Variants in BRSK2 observed in about 807,000 individuals in gnomAD.
BRSK2 encodes BR serine/threonine kinase 2.
BRSK2 carries 19 observed loss-of-function variants against 83.3 expected under a neutral mutation model. That is an observed-to-expected ratio of 0.23 (90% CI 0.16 to 0.33). The LOEUF (loss-of-function observed/expected upper bound fraction) is 0.33, where lower values mean the gene tolerates loss of function less well. Among genes scored for constraint, BRSK2 ranks in the 10% least tolerant of loss-of-function variants. The probability of loss-of-function intolerance (pLI) is 1.00; values close to 1 mark genes in which losing one functional copy is unlikely to be tolerated. For missense variants in BRSK2, 798 were observed against 1,042.3 expected (o/e 0.77, Z 3.23); for synonymous variants, 519 against 435.4 (o/e 1.19, Z -2.39).
intron 13 of BRSK2, among the ~76,000 whole-genome samples, 165 bp from the exon 14 acceptor site, chr11:1,450,422 G>A (rs1171832266): frequency 1.3e-5 from 2 of 152,086 alleles, no homozygotes; most frequent in African/African-American, 4.8e-5. Context: ...GCCTCTGCAG[G>A]GCACCAAGTC....
chr11:1,446,096 G>GGCTGGGCTGGGCTGGGAGCTGA (rs1365767778), intron 12 of BRSK2, among the ~76,000 whole-genome samples, 189 bp downstream of exon 12: 1 of 146,320 alleles, frequency 6.8e-6, no homozygotes, highest in Non-Finnish European at 1.5e-5. Context: ...GGCTTAGCTG[G>GGCTGGGCTGGGCTGGGAGCTGA]GCTGGGCTGG....
chr11:1,444,259 C>A (rs541161601), intron 8 of BRSK2, among the ~76,000 whole-genome samples: 2 of 152,224 alleles, frequency 1.3e-5, no homozygotes, highest in South Asian at 4.1e-4. Context: ...CTAGCAAGAG[C>A]CAAAGGTAGC....
At chr11:1,445,090 G>T in intron 9 of BRSK2, 88 bp downstream of exon 9, 1 of 1,551,406 alleles carries the variant, frequency 6.4e-7, no homozygotes. Flanking sequence ...GGAGGGCGCC[G>T]GCCCAGCGCA....
chr11:1,406,858 A>C (rs148088583), intron 1 of BRSK2, among the ~76,000 whole-genome samples: 4 of 152,254 alleles, frequency 2.6e-5, no homozygotes, highest in Non-Finnish European at 5.9e-5. Context: ...ATGTGTGTGC[A>C]TGTCCATGTG....
intron 18 of BRSK2, among the ~76,000 whole-genome samples, chr11:1,458,218 G>T (rs1224695923): frequency 1.3e-5 from 2 of 152,130 alleles, no homozygotes; most frequent in East Asian, 1.9e-4. Context: ...GCGCTCCTGC[G>T]TGGGCTGTAG....
chr11:1,394,960 C>T (rs1396238716), intron 1 of BRSK2, among the ~76,000 whole-genome samples: 2 of 137,874 alleles, frequency 1.5e-5, no homozygotes, highest in African/African-American at 5.3e-5. Context: ...GGAGATGGGC[C>T]CCTGGAGATG....
intron 1 of BRSK2, among the ~76,000 whole-genome samples, chr11:1,401,812 C>G (rs1037925205): frequency 2.0e-5 from 3 of 152,262 alleles, no homozygotes; most frequent in African/African-American, 7.2e-5. Flanking sequence ...AAGTCTGCAG[C>G]TTCCTCCTCC....
intron 12 of BRSK2, among the ~76,000 whole-genome samples, chr11:1,446,171 T>TG (rs1852080056): frequency 7.1e-6 from 1 of 139,968 alleles, no homozygotes; most frequent in Non-Finnish European, 1.5e-5. Context: ...TGGGCTGGCC[T>TG]GGGCTGGGCT....
At position 1,460,819 on chromosome 11, in the gene BRSK2, G is replaced by A. The variant is rs936582820; in HGVS notation, c.*96G>A. The A allele has an allele frequency of 1.9e-5, 28 of 1,473,144 alleles. No individual in the cohort carries two copies. Among genetic ancestry groups the A allele is most frequent in the African/African-American group, 8.8e-5 (6 of 68,014 alleles). 91.3% of individuals were successfully genotyped at this position (1,473,144 alleles called of 1,614,324 possible). On this transcript the variant is annotated 3_prime_UTR_variant, in exon 20 of 20. Coordinates refer to ENST00000528841, the MANE Select transcript of BRSK2 (RefSeq NM_001256627.2). ...GAGTGGACCCGCGGCCGCGCCGCCC[G>A]TCCGTCCAGACTGTTCTCAGAGCCT...
intron 1 of BRSK2, among the ~76,000 whole-genome samples, chr11:1,394,091 C>T (rs1280315683): frequency 8.3e-6 from 1 of 121,068 alleles, no homozygotes; most frequent in East Asian, 2.4e-4. Context: ...GGAGATGGGT[C>T]CCTGGAGATG....
intron 12 of BRSK2, 52 bp downstream of exon 12, chr11:1,445,959 G>C (rs749689983): frequency 2.6e-6 from 4 of 1,545,216 alleles, no homozygotes; most frequent in Non-Finnish European, 3.5e-6. Flanking sequence ...CTGGCTGCGC[G>C]GCACTGCCGC....
At chr11:1,425,098 C>T (rs1281226720) in intron 1 of BRSK2, among the ~76,000 whole-genome samples, 2 of 152,230 alleles carry the variant, frequency 1.3e-5, no homozygotes, top group Non-Finnish European at 2.9e-5. Flanking sequence ...GCCCCGAGGC[C>T]CGTGATGGGA....
At chr11:1,413,341 G>A (rs1018035690) in intron 1 of BRSK2, among the ~76,000 whole-genome samples, 2 of 152,016 alleles carry the variant, frequency 1.3e-5, no homozygotes, top group Non-Finnish European at 2.9e-5. Context: ...GCCCCTTGCA[G>A]GGGCCACGGG....
rs764422459 is a variant in BRSK2, at chr11:1,450,622, C to T, written c.1323C>T (p.Leu441=). ...ACCCCTCACCAAGGGGCAGTCCCCT[C>T]CCCACCCCCAAGGGGACACCTGTCC... ...TPHPSPRGSP[L]PTPKGTPVHT... Residue 441 remains leucine, a synonymous_variant, in exon 14 of 20, where the codon CTC becomes CTT. Coordinates refer to ENST00000528841, the MANE Select transcript of BRSK2 (RefSeq NM_001256627.2). 4.4e-6 allele frequency: 7 copies of T among 1,598,182 alleles called. No homozygotes were observed. In the East Asian group the frequency reaches 1.1e-4, roughly 26 times the overall value.
rs2133995405 is a variant in BRSK2, at chr11:1,390,946, C to T, written c.91+571C>T. Among the ~76,000 whole-genome samples the T allele has an allele frequency of 6.6e-6, 1 of 152,278 alleles. No individual in the cohort carries two copies. Among genetic ancestry groups the T allele is most frequent in the Admixed American group, 6.5e-5 (1 of 15,306 alleles). On this transcript the variant is annotated intron_variant, in intron 1 of 19. Transcript: ENST00000528841. This position sits in a 1 kb window ranked among gnomAD's most constrained non-coding sequence, Gnocchi z 6.8. ...CTGCTCCGGCTCGGGCTCGGGCGGG[C>T]GGAGCGTCTGTGACCTGCATTCCCA...
rs1289959412 is a variant in BRSK2, at chr11:1,445,810, C to T, written c.1129C>T (p.Arg377Trp). 4.3e-6 allele frequency: 7 copies of T among 1,612,340 alleles called. No homozygotes were observed. The highest frequency in any genetic ancestry group is 1.7e-5 in the Admixed American group (1 of 59,996). The change falls in exon 12 of 20, where the codon CGG (arginine) becomes TGG (tryptophan). Residue 377 changes from arginine to tryptophan, a missense_variant. Arg to Trp is a moderately radical substitution (Grantham distance 101). Transcript: ENST00000528841. The part of the protein sequence containing the change: ...SPMLNRHGKR[R>W]PERKSMEVLS... ...GATGCTGAACCGGCACGGCAAGCGG[C>T]GGCCAGAACGCAAATCCATGGAGGT... is the stretch of plus-strand genomic sequence containing the variant.
chr11:1,396,713 G>A (rs1208520976), intron 1 of BRSK2, among the ~76,000 whole-genome samples: 14 of 152,388 alleles, frequency 9.2e-5, no homozygotes, highest in Admixed American at 7.8e-4. Flanking sequence ...GGGTCAGGCT[G>A]TCTCTGAAGT....
At chr11:1,460,228 T>G (rs561596643) in intron 19 of BRSK2, among the ~76,000 whole-genome samples, 1 of 152,146 alleles carries the variant, frequency 6.6e-6, no homozygotes, top group South Asian at 2.1e-4. Context: ...GGTCCTAAGT[T>G]CCTGGCCCCA....
At chr11:1,451,014 G>T (rs370317352) in intron 14 of BRSK2, among the ~76,000 whole-genome samples, 6 of 152,236 alleles carry the variant, frequency 3.9e-5, no homozygotes, top group Non-Finnish European at 7.3e-5. Flanking sequence ...GTGTTCCTGA[G>T]TCTACCCACT....
Sources: allele counts gnomAD v4.1 joint callset (sites outside exome capture counted in the v4.1 genomes callset), GRCh38; gene constraint gnomAD v4.1.1; non-coding constraint Gnocchi (gnomAD v3.1); transcripts MANE v1.5; gene names NCBI Gene and HGNC (gene_info 2026-07-23, HGNC 2026-07-21).